The following LUZP2 variants were observed in gnomAD, a reference collection of about 807,000 sequenced individuals.
The protein encoded by LUZP2 is leucine zipper protein 2.
LUZP2 carries 52 observed loss-of-function variants against 51.6 expected under a neutral mutation model. The ratio of observed to expected loss-of-function variants is 1.01; its 90% CI spans 0.81 to 1.27. The LOEUF (loss-of-function observed/expected upper bound fraction) is 1.27, where lower values mean the gene tolerates loss of function less well. Among genes scored for constraint, LUZP2 ranks in the 50% most tolerant of loss-of-function variants. LUZP2 has a pLI of 0.00. For synonymous variants in LUZP2, 154 were observed against 137.3 expected, an observed-to-expected ratio of 1.12 and a Z score of -0.85; for missense variants, 436 against 395.4, an observed-to-expected ratio of 1.10 and a Z score of -0.87.
chr11:24,807,724 A>T (rs950500976), intron 5 of LUZP2, among the ~76,000 whole-genome samples: 1 of 152,046 alleles, frequency 6.6e-6, no homozygotes. Context: ...ATTCTTCCCA[A>T]GTAAGAGAAA....
intron 1 of LUZP2, among the ~76,000 whole-genome samples, chr11:24,668,687 G>A (rs1856298026): frequency 6.6e-6 from 1 of 152,108 alleles, no homozygotes. Flanking sequence ...TTTTTTCCTA[G>A]AAGGGGAATA....
At chr11:24,712,073 A>G (rs1233716475) in intron 1 of LUZP2, among the ~76,000 whole-genome samples, 3 of 152,246 alleles carry the variant, frequency 2.0e-5, no homozygotes, top group South Asian at 4.1e-4. Context: ...AAAGGTAAAG[A>G]CAAATAGTAT....
intron 1 of LUZP2, among the ~76,000 whole-genome samples, chr11:24,602,294 GTACA>G (rs1322353459): frequency 9.4e-5 from 9 of 95,862 alleles, no homozygotes; most frequent in African/African-American, 3.9e-4. Context: ...ACATATATAT[GTACA>G]TACATATATA....
At chr11:24,939,142 T>G (rs1433372990) in intron 7 of LUZP2, among the ~76,000 whole-genome samples, 4 of 152,164 alleles carry the variant, frequency 2.6e-5, no homozygotes. Context: ...GAAATCAAAT[T>G]ATCTCGGTTC....
intron 1 of LUZP2, among the ~76,000 whole-genome samples, chr11:24,714,190 C>T (rs752821652): frequency 1.3e-5 from 2 of 151,916 alleles, no homozygotes; most frequent in Non-Finnish European, 2.9e-5. Context: ...ATACCTAATG[C>T]ATGCGGGGCT....
chr11:24,735,353 A>G (rs1026920214), intron 3 of LUZP2, among the ~76,000 whole-genome samples: 10 of 151,912 alleles, frequency 6.6e-5, no homozygotes, highest in Non-Finnish European at 1.2e-4. Flanking sequence ...GACTGAGAAT[A>G]TATAACCACA....
intron 1 of LUZP2, among the ~76,000 whole-genome samples, chr11:24,685,508 T>C (rs761635283): frequency 6.6e-5 from 10 of 152,264 alleles, no homozygotes; most frequent in South Asian, 6.2e-4. Context: ...TTCCTCTGCA[T>C]GTGCTATGTC....
intron 6 of LUZP2, among the ~76,000 whole-genome samples, chr11:24,913,535 G>T (rs976945134): frequency 6.6e-5 from 10 of 152,062 alleles, no homozygotes; most frequent in African/African-American, 2.4e-4. Context: ...ATATTGCAGT[G>T]TAATGCAATG....
intron 1 of LUZP2, among the ~76,000 whole-genome samples, chr11:24,719,272 A>G (rs971652381): frequency 2.0e-5 from 3 of 152,252 alleles, no homozygotes; most frequent in Admixed American, 1.3e-4. Flanking sequence ...GGGTAGAGTC[A>G]AATAAAAATG....
intron 7 of LUZP2, among the ~76,000 whole-genome samples, chr11:24,969,915 C>T (rs1042924648): frequency 2.0e-5 from 3 of 151,998 alleles, no homozygotes; most frequent in Admixed American, 6.6e-5. Flanking sequence ...CACATGCGCG[C>T]GCACACACAC....
chr11:24,840,432 GA>G (rs201760937), intron 5 of LUZP2, among the ~76,000 whole-genome samples: 7 of 150,704 alleles, frequency 4.6e-5, no homozygotes, highest in African/African-American at 1.2e-4. Context: ...GCAAGGATTG[GA>G]AAAAAAAATC....
intron 7 of LUZP2, among the ~76,000 whole-genome samples, chr11:24,930,263 GTCA>G (rs1196410815): frequency 6.6e-6 from 1 of 152,016 alleles, no homozygotes; most frequent in Non-Finnish European, 1.5e-5. Flanking sequence ...TACTATTCTA[GTCA>G]TCATGCTATT....
chr11:24,974,208 G>T (rs1171843326), intron 7 of LUZP2, among the ~76,000 whole-genome samples: 1 of 151,724 alleles, frequency 6.6e-6, no homozygotes, highest in Non-Finnish European at 1.5e-5. Context: ...TATCTTTTTT[G>T]GTCTTTGTTG....
intron 1 of LUZP2, among the ~76,000 whole-genome samples, chr11:24,594,673 A>G (rs1853372514): frequency 6.6e-6 from 1 of 151,998 alleles, no homozygotes; most frequent in Admixed American, 6.6e-5. Flanking sequence ...ATGTCTCCTA[A>G]GTAAATATTC....
At chr11:24,602,321 C>CATATATAT (rs1853754753) in intron 1 of LUZP2, among the ~76,000 whole-genome samples, 1 of 91,832 alleles carries the variant, frequency 1.1e-5, no homozygotes. Flanking sequence ...CACATATATA[C>CATATATAT]ACACACATAT....
intron 10 of LUZP2, among the ~76,000 whole-genome samples, chr11:25,058,057 T>C (rs889459378): frequency 6.6e-6 from 1 of 152,090 alleles, no homozygotes; most frequent in Admixed American, 6.5e-5. Context: ...CCTGCTGTAA[T>C]TGGACTGAGA....
At chr11:24,795,287 T>C (rs531673565) in intron 5 of LUZP2, among the ~76,000 whole-genome samples, 2 of 152,240 alleles carry the variant, frequency 1.3e-5, no homozygotes, top group Admixed American at 1.3e-4. Context: ...TTTGTTTACT[T>C]TTTACTCCAC....
At chr11:25,071,969 A>G (rs1859172443) in intron 10 of LUZP2, among the ~76,000 whole-genome samples, 1 of 152,120 alleles carries the variant, frequency 6.6e-6, no homozygotes, top group African/African-American at 2.4e-5. Context: ...TTGTGCATCT[A>G]AACTATGTCA....
intron 1 of LUZP2, among the ~76,000 whole-genome samples, chr11:24,602,051 TGTATATATGTGTATATATATGC>T (rs1453417230): frequency 2.1e-5 from 3 of 144,112 alleles, no homozygotes; most frequent in Non-Finnish European, 4.5e-5. Flanking sequence ...TGTATATATG[TGTATATATGTGTATATATATGC>T]GTATATATGT....
Sources: gnomAD v4.1 joint callset for allele counts (sites outside exome capture counted in the v4.1 genomes callset) on GRCh38, gnomAD v4.1.1 for gene constraint, MANE v1.5 for transcripts, NCBI Gene and HGNC (gene_info 2026-07-23, HGNC 2026-07-21) for gene names.